SRGAP2B: variants seen among roughly 807,000 people sequenced by gnomAD.
SRGAP2B encodes the protein SLIT-ROBO Rho GTPase activating protein 2B.
Under a neutral mutation model 22.2 loss-of-function variants are expected in SRGAP2B, and 9 were observed. The ratio of observed to expected loss-of-function variants is 0.41; its 90% confidence interval spans 0.24 to 0.71. The LOEUF (loss-of-function observed/expected upper bound fraction) is 0.71, where lower values mean the gene tolerates loss of function less well. Among genes scored for constraint, SRGAP2B ranks in the 30% least tolerant of loss-of-function variants. The pLI is 0.35. For synonymous variants in SRGAP2B, 36 were observed against 87.4 expected (o/e 0.41, Z 3.28); for missense variants, 114 against 235.8 (o/e 0.48, Z 3.38).
chr1:145,020,431 TAAAAAAAA>T (rs782440915), intron 2 of SRGAP2B, among the ~76,000 whole-genome samples: 2 of 81,312 alleles, frequency 2.5e-5, no homozygotes, highest in African/African-American at 5.1e-5. Flanking sequence ...CTTGTCTCTT[TAAAAAAAA>T]AAAAAAAAAA....
chr1:144,898,550 G>A (rs1662446885), intron 7 of SRGAP2B, among the ~76,000 whole-genome samples: 1 of 149,662 alleles, frequency 6.7e-6, no homozygotes, highest in East Asian at 1.9e-4. Context: ...TGAGGTCCGG[G>A]TCCTAAGAAG....
chr1:144,904,698 CAAAAAAAAAA>C (rs1192600476), intron 7 of SRGAP2B, among the ~76,000 whole-genome samples: 63 of 16,924 alleles, frequency 3.7e-3, no homozygotes, highest in Non-Finnish European at 4.6e-3. Context: ...GACTCTATCT[CAAAAAAAAAA>C]AAAAAAAAAA....
chr1:144,969,629 C>A (rs1377475645), intron 3 of SRGAP2B, among the ~76,000 whole-genome samples: 1 of 149,458 alleles, frequency 6.7e-6, no homozygotes, highest in Non-Finnish European at 1.5e-5. Flanking sequence ...GCAACAAAAG[C>A]CAAAATTGAC....
chr1:144,940,641 A>C (rs1472678736), intron 4 of SRGAP2B, among the ~76,000 whole-genome samples: 1 of 145,366 alleles, frequency 6.9e-6, no homozygotes, highest in Non-Finnish European at 1.5e-5. Flanking sequence ...TCTACTAAAA[A>C]AACACAAAAA....
At chr1:144,979,728 TC>T (rs1260931189) in intron 3 of SRGAP2B, among the ~76,000 whole-genome samples, 1 of 150,884 alleles carries the variant, frequency 6.6e-6, no homozygotes, top group Non-Finnish European at 1.5e-5. Flanking sequence ...GTCTGGGACC[TC>T]CCCCGACTCT....
intron 8 of SRGAP2B, among the ~76,000 whole-genome samples, chr1:144,895,909 AG>A (rs1195163047): frequency 5.3e-5 from 3 of 56,786 alleles, no homozygotes; most frequent in South Asian, 1.7e-3. Context: ...GCCCTCGGTG[AG>A]GGGAACCTCC....
intron 2 of SRGAP2B, among the ~76,000 whole-genome samples, chr1:145,089,438 A>G (rs1213736919): frequency 2.8e-5 from 4 of 145,390 alleles, no homozygotes; most frequent in Non-Finnish European, 4.6e-5. Context: ...ACATGCAAGC[A>G]GGTGGTTTAT....
chr1:144,994,567 TGA>T (rs56165682), intron 3 of SRGAP2B, among the ~76,000 whole-genome samples: 36,953 of 121,906 alleles, frequency 0.3, 5,335 homozygotes, highest in Non-Finnish European at 0.34. Flanking sequence ...TGTGTGTGTG[TGA>T]GAGAGAGAGA....
intron 2 of SRGAP2B, among the ~76,000 whole-genome samples, chr1:145,036,319 A>G (rs1443103341): frequency 2.8e-5 from 4 of 145,156 alleles, no homozygotes; most frequent in African/African-American, 1.1e-4. Flanking sequence ...AATACTGTCA[A>G]TATGCTTCCC....
chr1:145,035,920 C>T (rs587599731), intron 2 of SRGAP2B, among the ~76,000 whole-genome samples: 29 of 145,160 alleles, frequency 2.0e-4, no homozygotes, highest in African/African-American at 6.8e-4. Context: ...AACAATTTGA[C>T]GTCATGTTTT....
chr1:144,924,589 G>A (rs1404691213), intron 4 of SRGAP2B, among the ~76,000 whole-genome samples: 8 of 151,604 alleles, frequency 5.3e-5, no homozygotes, highest in African/African-American at 9.7e-5. Context: ...AAAGTTAGCC[G>A]GGCGTAGTGG....
chr1:144,978,504 G>T, intron 3 of SRGAP2B, among the ~76,000 whole-genome samples: 1 of 139,568 alleles, frequency 7.2e-6, no homozygotes, highest in Non-Finnish European at 1.5e-5. Flanking sequence ...AAGTAGCCAG[G>T]CATGGTGGTG....
intron 4 of SRGAP2B, among the ~76,000 whole-genome samples, chr1:144,915,980 TAGC>T (rs201868573): frequency 0.025 from 3,767 of 147,952 alleles, 78 homozygotes; most frequent in Middle Eastern, 0.042. Context: ...CCATAGCTGC[TAGC>T]TCCCAGGCAA....
chr1:145,041,052 C>A (rs1649167205), intron 2 of SRGAP2B, among the ~76,000 whole-genome samples: 1 of 112,176 alleles, frequency 8.9e-6, no homozygotes, highest in East Asian at 2.6e-4. Context: ...GAAAAAATAT[C>A]ATTTGTTGCA....
At chr1:145,089,350 GCTGA>G (rs1429834445) in intron 2 of SRGAP2B, among the ~76,000 whole-genome samples, 2 of 149,316 alleles carry the variant, frequency 1.3e-5, no homozygotes, top group Non-Finnish European at 1.5e-5. Flanking sequence ...TACAAGGCAG[GCTGA>G]CTAAGGAGGC....
intron 4 of SRGAP2B, among the ~76,000 whole-genome samples, chr1:144,944,761 G>T (rs1405807942): frequency 2.9e-5 from 4 of 139,790 alleles, no homozygotes; most frequent in African/African-American, 1.1e-4. Context: ...TCCCAGGCTG[G>T]AGTGCAGTGG....
chr1:145,076,501 C>T (rs1391967598), intron 2 of SRGAP2B, among the ~76,000 whole-genome samples: 1 of 150,200 alleles, frequency 6.7e-6, no homozygotes, highest in African/African-American at 2.5e-5. Flanking sequence ...ATATGCACAA[C>T]AACCTGAATG....
At chr1:145,047,137 C>G (rs1456061161) in intron 2 of SRGAP2B, among the ~76,000 whole-genome samples, 2 of 135,294 alleles carry the variant, frequency 1.5e-5, no homozygotes, top group Admixed American at 7.5e-5. Context: ...GATCGCACCA[C>G]TGCACCCCAG....
intron 2 of SRGAP2B, among the ~76,000 whole-genome samples, chr1:145,084,400 T>C (rs1653197890): frequency 7.4e-6 from 1 of 135,424 alleles, no homozygotes; most frequent in African/African-American, 2.8e-5. Context: ...GAGCAACACG[T>C]AGAACTTAGA....
Sources: allele counts gnomAD v4.1 joint callset (sites outside exome capture counted in the v4.1 genomes callset), GRCh38; gene constraint gnomAD v4.1.1; transcripts MANE v1.5; gene names NCBI Gene and HGNC (gene_info 2026-07-23, HGNC 2026-07-21).